TMEM98: variants seen among roughly 807,000 people sequenced by gnomAD.
TMEM98 encodes the protein transmembrane protein 98.
A neutral mutation model predicts 25.0 loss-of-function variants in TMEM98; 18 were observed. The ratio of observed to expected loss-of-function variants is 0.72; its 90% confidence interval spans 0.50 to 1.07. The LOEUF is 1.07. Ranked by LOEUF, TMEM98 falls within the 50% of genes least tolerant of loss-of-function variation. The pLI is 0.00. For missense variants in TMEM98, 241 were observed against 289.0 expected (o/e 0.83, Z 1.20); for synonymous variants, 103 against 112.4 (o/e 0.92, Z 0.53).
chr17:32,936,800 A>G (rs904632650), intron 6 of TMEM98, among the ~76,000 whole-genome samples: 2 of 152,166 alleles, frequency 1.3e-5, no homozygotes, highest in Non-Finnish European at 2.9e-5. Context: ...TCCCAGGCCA[A>G]CATGTCACAC....
At chr17:32,932,152 G>A (rs1453780642) in intron 3 of TMEM98, among the ~76,000 whole-genome samples, 1 of 146,860 alleles carries the variant, frequency 6.8e-6, no homozygotes, top group Non-Finnish European at 1.5e-5. Flanking sequence ...CCAGGCTGGA[G>A]TGCAATGGTG....
rs547555194 is a variant in TMEM98 at position 32,934,303 on chromosome 17, C to T, written c.276C>T (p.Ser92=). 6.2e-7 allele frequency: 1 copy of T among 1,613,992 alleles called. No individual in the cohort carries two copies. Among genetic ancestry groups the T allele is most frequent in the East Asian group, 2.2e-5 (1 of 44,852 alleles). The change falls in exon 5 of 8, where the codon TCC becomes TCT. Residue 92 remains serine, a synonymous_variant. Transcript: ENST00000579849. ...CTTGTTTCCCCAGGGGTCTCATGTC[C>T]CACTGCATTGCCATCTTGAAGGTAA... ...DWIEDASGLM[S]HCIAILKICH... is the part of the protein sequence containing the mutation.
chr17:32,939,585 A>G (rs1257669738), intron 7 of TMEM98, 49 bp downstream of exon 7: 1 of 1,608,520 alleles, frequency 6.2e-7, no homozygotes, highest in Non-Finnish European at 8.5e-7. Flanking sequence ...AGAGGTCCAC[A>G]ACCGTTTTAT....
intron 7 of TMEM98, 108 bp downstream of exon 7, chr17:32,939,644 C>G: frequency 7.1e-7 from 1 of 1,417,286 alleles, no homozygotes. Context: ...GGTGGCTTTG[C>G]AGCCTCCTTA....
intron 4 of TMEM98, among the ~76,000 whole-genome samples, chr17:32,933,774 A>T (rs547394415): frequency 6.6e-5 from 10 of 152,326 alleles, no homozygotes; most frequent in African/African-American, 2.4e-4. Context: ...GGTGCTGCAG[A>T]TATTGAAACG....
At chr17:32,940,761 G>T in intron 7 of TMEM98, 25 bp from the exon 8 acceptor site, 1 of 1,603,002 alleles carries the variant, frequency 6.2e-7, no homozygotes, top group South Asian at 1.1e-5. Flanking sequence ...TAGGAAACCT[G>T]ACCCTATTTT....
At chr17:32,938,049 T>C (rs2091506538) in intron 6 of TMEM98, among the ~76,000 whole-genome samples, 1 of 152,184 alleles carries the variant, frequency 6.6e-6, no homozygotes, top group Admixed American at 6.5e-5. Context: ...TGTGTGAGCC[T>C]GGGTGAGTAG....
chr17:32,941,456 T>C lies in TMEM98; in HGVS notation c.*463T>C, dbSNP rs542475614. 6.5e-6 allele frequency: 1 copy of C among 154,634 alleles called. No individual in the cohort carries two copies. Among genetic ancestry groups the C allele is most frequent in the African/African-American group, 2.4e-5 (1 of 41,582 alleles). The allele number at this position is 154,634 out of a possible 1,614,324, so 9.6% of individuals were successfully genotyped here. A position where few individuals can be genotyped will look rare whatever the true frequency, so the allele number is the denominator to read the frequency against. On this transcript the variant is annotated 3_prime_UTR_variant, in exon 8 of 8. Transcript: ENST00000579849. ...TCTTCTTTTGGCAAGACTTGTACTC[T>C]CTCACCTGGCCTGTTTCATTTATTT...
chr17:32,934,494 T>C (rs2091485943), intron 5 of TMEM98, 170 bp downstream of exon 5: 1 of 660,404 alleles, frequency 1.5e-6, no homozygotes, highest in Non-Finnish European at 2.6e-6. Flanking sequence ...CTGGACTGGC[T>C]GTTCACAGAA....
rs1194470362 is a variant in TMEM98, at chr17:32,928,242, G to A, written c.-131+5G>A. 1 of 149,224 alleles carries A rather than the reference G, an allele frequency of 6.7e-6. No homozygotes were observed. Among genetic ancestry groups the A allele is most frequent in the Admixed American group, 6.6e-5 (1 of 15,078 alleles). 9.2% of individuals were successfully genotyped at this position (149,224 alleles called of 1,614,324 possible). ...GCCCGGGAGCCACAGCCTGAGGTGG[G>A]TGAGCCCCGCCGGGCCGGGCGGGCC... On this transcript the variant is annotated splice_donor_5th_base_variant and intron_variant, in intron 1 of 7. Coordinates refer to ENST00000579849, the MANE Select transcript of TMEM98 (RefSeq NM_015544.3).
intron 3 of TMEM98, among the ~76,000 whole-genome samples, chr17:32,932,347 C>T (rs924112934): frequency 2.0e-5 from 3 of 152,164 alleles, no homozygotes; most frequent in South Asian, 2.1e-4. Flanking sequence ...GTGATCCACC[C>T]GCCTCAGCTT....
At chr17:32,937,736 G>A (rs527858321) in intron 6 of TMEM98, among the ~76,000 whole-genome samples, 18 of 152,212 alleles carry the variant, frequency 1.2e-4, no homozygotes, top group Non-Finnish European at 2.4e-4. Context: ...GATTACAGGT[G>A]CCTGCTACCA....
chr17:32,935,635 C>A (rs1175101798), intron 5 of TMEM98, among the ~76,000 whole-genome samples: 1 of 152,132 alleles, frequency 6.6e-6, no homozygotes, highest in African/African-American at 2.4e-5. Flanking sequence ...CTGCCCTCTA[C>A]TGTCCAGCTC....
Position 32,931,787 on chromosome 17 carries a change from C to T in TMEM98, c.131+128C>T. 2.4e-6 allele frequency: 3 copies of T among 1,253,368 alleles called. No homozygotes were observed. The South Asian group carries it at 4.6e-5, about 19-fold the overall frequency. The allele number at this position is 1,253,368 out of a possible 1,614,324, so 77.6% of individuals were successfully genotyped here. On this transcript the variant is annotated intron_variant, in intron 3 of 7. Coordinates refer to ENST00000579849, the MANE Select transcript of TMEM98 (RefSeq NM_015544.3). ...GTTCTAAAATGGTACCTGCAGGTGT[C>T]CTTCCCTGTAAAGACCTCAGAGTTT...
intron 1 of TMEM98, among the ~76,000 whole-genome samples, 185 bp downstream of exon 1, chr17:32,928,422 C>G: frequency 6.7e-6 from 1 of 149,254 alleles, no homozygotes; most frequent in South Asian, 2.1e-4. Context: ...CTCCGGGGCC[C>G]GTGCGGCGCG....
Position 32,931,658 on chromosome 17 carries a change from AAGTG to A in TMEM98, c.131+6_131+9del, listed in dbSNP as rs2091470404. 6.2e-7 allele frequency: 1 copy of A among 1,605,430 alleles called. No homozygotes were observed. ...AGACCTGCTGCAGCGCTATGATTCT[AAGTG>A]AGTGAGCCTATGGAGGGCAAGGAGG... On this transcript the variant is annotated splice_donor_variant and splice_donor_region_variant and coding_sequence_variant and intron_variant, in exon 3 of 8. Coordinates refer to ENST00000579849, the MANE Select transcript of TMEM98 (RefSeq NM_015544.3). LOFTEE classifies it high-confidence loss of function.
intron 4 of TMEM98, 65 bp from the exon 5 acceptor site, chr17:32,934,226 G>T: frequency 1.3e-6 from 2 of 1,589,166 alleles, no homozygotes; most frequent in East Asian, 4.5e-5. Flanking sequence ...GAGAAGCAAG[G>T]GTGGGAGCTG....
chr17:32,936,440 A>T lies in TMEM98; in HGVS notation c.406A>T (p.Ser136Cys). 1 of 1,614,158 alleles carries T rather than the reference A, an allele frequency of 6.2e-7. No individual in the cohort carries two copies. Among genetic ancestry groups the T allele is most frequent in the Non-Finnish European group, 8.5e-7 (1 of 1,179,988 alleles). ...SDIIVVAKRI[S>C]PRVDDVVKSM... Reference sequence around the variant, plus strand: ...CATCATTGTGGTGGCCAAGCGGATCAGCCCCAGGTGAGCAATTGGCGGCTT... The same window carrying T: ...CATCATTGTGGTGGCCAAGCGGATCTGCCCCAGGTGAGCAATTGGCGGCTT... The change falls in exon 6 of 8, where the codon AGC becomes TGC. Residue 136 changes from serine to cysteine, a missense_variant. Coordinates refer to ENST00000579849, the MANE Select transcript of TMEM98 (RefSeq NM_015544.3).
At chr17:32,934,579 T>A (rs1400872371) in intron 5 of TMEM98, among the ~76,000 whole-genome samples, 1 of 152,240 alleles carries the variant, frequency 6.6e-6, no homozygotes, top group African/African-American at 2.4e-5. Context: ...ACAGCCTAGG[T>A]ACACAGCCAC....
Sources: gnomAD v4.1 joint callset for allele counts (sites outside exome capture counted in the v4.1 genomes callset) on GRCh38, gnomAD v4.1.1 for gene constraint, MANE v1.5 for transcripts, NCBI Gene and HGNC (gene_info 2026-07-23, HGNC 2026-07-21) for gene names.